ELAPOR2: variants seen among roughly 807,000 people sequenced by gnomAD.
ELAPOR2 encodes the protein endosome/lysosome-associated apoptosis and autophagy regulator family member 2.
Under a neutral mutation model 120.7 loss-of-function variants are expected in ELAPOR2, and 89 were observed. That is an observed-to-expected ratio of 0.74 (90% CI 0.62 to 0.88). ELAPOR2 has a LOEUF of 0.88. Among genes scored for constraint, ELAPOR2 ranks in the 40% least tolerant of loss-of-function variants. The probability of loss-of-function intolerance (pLI) is 0.00; values close to 1 mark genes in which losing one functional copy is unlikely to be tolerated. For missense variants in ELAPOR2, 1,134 were observed against 1,251.6 expected (o/e 0.91, Z 1.42); for synonymous variants, 444 against 444.9 (o/e 1.00, Z 0.03).
Position 86,907,923 on chromosome 7 carries a change from CT to C in ELAPOR2, c.2457-153del, listed in dbSNP as rs1789107205. On this transcript the variant is annotated intron_variant, in intron 17 of 21. Coordinates refer to ENST00000450689, the MANE Select transcript of ELAPOR2 (RefSeq NM_001142749.3). ...ATTTGTAATTTTAATACAAATTCAG[CT>C]CATTTACTTTCATTGCCTATGAAAA... is the stretch of plus-strand genomic sequence containing the variant. 8.6e-6 allele frequency: 4 copies of C among 465,284 alleles called. No individual in the cohort carries two copies. In the South Asian group the frequency reaches 2.2e-4, roughly 25 times the overall value. 28.8% of individuals were successfully genotyped at this position (465,284 alleles called of 1,614,324 possible). A position where few individuals can be genotyped will look rare whatever the true frequency, so the allele number is the denominator to read the frequency against.
chr7:86,908,604 C>A, intron 16 of ELAPOR2, 61 bp from the exon 17 acceptor site: 1 of 735,322 alleles, frequency 1.4e-6, no homozygotes, highest in East Asian at 2.8e-5. Context: ...ATTTGGTCTC[C>A]GTAGTTTTGA....
chr7:86,959,540 G>A (rs754157605), intron 2 of ELAPOR2, among the ~76,000 whole-genome samples: 3 of 152,124 alleles, frequency 2.0e-5, no homozygotes, highest in Admixed American at 6.5e-5. Flanking sequence ...AAAGAGTATT[G>A]AATTTTGTCA....
In ELAPOR2 at chr7:86,981,633, G is replaced by A. The variant is rs1416368205; in HGVS notation, c.190-16609C>T. ...CTAATGAACCGCTAGTCATGTGCAA[G>A]CCTCAACTCAGGAAGCACCTCCTTC... On this transcript the variant is annotated intron_variant, in intron 1 of 21. Transcript: ENST00000450689. Among the ~76,000 whole-genome samples, 9 of 152,326 alleles carry A rather than the reference G, an allele frequency of 5.9e-5. No individual in the cohort carries two copies. The East Asian group carries it at 1.5e-3, about 26-fold the overall frequency.
At chr7:86,898,621 G>A (rs1416640085) in intron 18 of ELAPOR2, among the ~76,000 whole-genome samples, 1 of 147,606 alleles carries the variant, frequency 6.8e-6, no homozygotes, top group African/African-American at 2.5e-5. Context: ...TACCTAAGCT[G>A]AGTCTAGAAT....
intron 1 of ELAPOR2, among the ~76,000 whole-genome samples, chr7:87,001,401 C>T (rs1793310960): frequency 3.3e-5 from 5 of 152,244 alleles, no homozygotes; most frequent in Non-Finnish European, 2.9e-5. Context: ...GTGCAAGCTC[C>T]AGCCTACCTG....
intron 1 of ELAPOR2, among the ~76,000 whole-genome samples, chr7:87,003,611 G>T (rs1021803738): frequency 2.6e-5 from 4 of 152,102 alleles, no homozygotes; most frequent in African/African-American, 9.7e-5. Flanking sequence ...ACAGCCTGTG[G>T]AACTGTGAGT....
rs1015406 is a variant in ELAPOR2 at position 86,947,627 on chromosome 7, C to T, written c.506+100G>A. 4,375 of 1,069,666 alleles carry T rather than the reference C, an allele frequency of 4.1e-3. 133 individuals are homozygous for T. In the African/African-American group the frequency reaches 0.063, roughly 15 times the overall value. 66.3% of individuals were successfully genotyped at this position (1,069,666 alleles called of 1,614,324 possible). On this transcript the variant is annotated intron_variant, in intron 3 of 21. Coordinates refer to ENST00000450689, the MANE Select transcript of ELAPOR2 (RefSeq NM_001142749.3). ...TTTGCAATTAGCTTATCTATCACCA[C>T]AAACAGTACCAAGATTATCCTCATC...
At chr7:86,968,890 T>A (rs1792008864) in intron 1 of ELAPOR2, among the ~76,000 whole-genome samples, 1 of 152,200 alleles carries the variant, frequency 6.6e-6, no homozygotes, top group Non-Finnish European at 1.5e-5. Flanking sequence ...ATGGCAGTTA[T>A]TTAGACATTC....
Position 86,926,845 on chromosome 7 carries a change from G to C in ELAPOR2, c.1161C>G (p.Pro387=), listed in dbSNP as rs777250644. The change falls in exon 9 of 22, where the codon CCC becomes CCG. Residue 387 remains proline, a synonymous_variant. Transcript: ENST00000450689. ...GACAATCCTTCTTCTCTCCAGAAGG[G>C]GGCAATCTAATAGCATCTGTGAGAT... ...REDLTDAIRL[P]PSGEKKDCPP... is the part of the protein sequence containing the mutation. 62 of 1,609,994 alleles carry C rather than the reference G, an allele frequency of 3.9e-5. No homozygotes were observed. The highest frequency in any genetic ancestry group is 5.1e-5 in the Non-Finnish European group (60 of 1,178,318).
chr7:86,989,172 GAC>G (rs1487500329), intron 1 of ELAPOR2, among the ~76,000 whole-genome samples: 1 of 152,124 alleles, frequency 6.6e-6, no homozygotes, highest in Non-Finnish European at 1.5e-5. Context: ...CCAGATTATA[GAC>G]TTTTTTTAAA....
intron 3 of ELAPOR2, 74 bp from the exon 4 acceptor site, chr7:86,945,120 C>T: frequency 7.3e-7 from 1 of 1,368,046 alleles, no homozygotes; most frequent in South Asian, 1.4e-5. Flanking sequence ...CTATGTAACT[C>T]AGATTCACGA....
At chr7:86,917,139 G>A (rs1290539494) in intron 12 of ELAPOR2, among the ~76,000 whole-genome samples, 1 of 151,682 alleles carries the variant, frequency 6.6e-6, no homozygotes, top group Non-Finnish European at 1.5e-5. Flanking sequence ...GATAATTTTA[G>A]TTGGGCGCGG....
At chr7:86,924,690 C>G (rs1427446412) in intron 10 of ELAPOR2, among the ~76,000 whole-genome samples, 1 of 151,750 alleles carries the variant, frequency 6.6e-6, no homozygotes, top group Non-Finnish European at 1.5e-5. Flanking sequence ...ATTCAAAAAC[C>G]TATTATTTGT....
At chr7:87,045,665 G>A (rs531500197) in intron 1 of ELAPOR2, among the ~76,000 whole-genome samples, 4 of 151,566 alleles carry the variant, frequency 2.6e-5, no homozygotes, top group Non-Finnish European at 5.9e-5. Flanking sequence ...GCTAGATGAC[G>A]AGTTAGTGGG....
intron 1 of ELAPOR2, among the ~76,000 whole-genome samples, chr7:86,984,486 T>A (rs1009277020): frequency 4.6e-5 from 7 of 152,166 alleles, no homozygotes; most frequent in Admixed American, 2.0e-4. Context: ...ACATACTGTC[T>A]CCCAGACCAC....
chr7:86,900,284 C>A (rs190774023), intron 18 of ELAPOR2, among the ~76,000 whole-genome samples: 6 of 152,160 alleles, frequency 3.9e-5, no homozygotes, highest in South Asian at 4.1e-4. Context: ...AAGAAAAGAT[C>A]TGGGTTACAA....
chr7:86,897,589 G>A lies in ELAPOR2; in HGVS notation c.2602C>T (p.Leu868=), dbSNP rs149446431. 2.7e-5 allele frequency: 44 copies of A among 1,613,250 alleles called. No individual in the cohort carries two copies. In the African/African-American group the frequency reaches 5.5e-4, roughly 20 times the overall value. Residue 868 remains leucine (L), a synonymous_variant, in exon 19 of 22, where the codon CTG becomes TTG. Coordinates refer to ENST00000450689, the MANE Select transcript of ELAPOR2 (RefSeq NM_001142749.3). The part of the protein sequence containing the change: ...GTCDGCTFYF[L]WESAEACPLC... ...GGGCAAGCTTCAGCACTCTCCCACA[G>A]GAAATAGAACGTACACCCATCACAG...
intron 13 of ELAPOR2, among the ~76,000 whole-genome samples, chr7:86,913,689 TGCAATCA>T (rs1219544100): frequency 2.0e-5 from 3 of 152,190 alleles, no homozygotes; most frequent in Admixed American, 1.3e-4. Context: ...GCTAAATCAA[TGCAATCA>T]CACCATTTCA....
chr7:86,967,129 C>T (rs759143968), intron 1 of ELAPOR2, among the ~76,000 whole-genome samples: 3 of 152,220 alleles, frequency 2.0e-5, no homozygotes, highest in African/African-American at 7.2e-5. Context: ...TGCATAATTG[C>T]TTTCTTGTTT....
Sources: allele counts gnomAD v4.1 joint callset (sites outside exome capture counted in the v4.1 genomes callset), GRCh38; gene constraint gnomAD v4.1.1; transcripts MANE v1.5; gene names NCBI Gene and HGNC (gene_info 2026-07-23, HGNC 2026-07-21).